The following CLDN10 variants were observed in gnomAD, a reference collection of about 807,000 sequenced individuals.
CLDN10 encodes the protein claudin 10, also known as claudin-10.
CLDN10 carries 15 observed loss-of-function variants against 22.9 expected under a neutral mutation model. The ratio of observed to expected loss-of-function variants is 0.65; its 90% CI spans 0.44 to 1.01. CLDN10 has a LOEUF of 1.01. Among genes scored for constraint, CLDN10 ranks in the 50% least tolerant of loss-of-function variants. The pLI, the probability that CLDN10 is intolerant of heterozygous loss-of-function variation, is 0.00. For synonymous variants in CLDN10, 114 were observed against 111.4 expected (o/e 1.02, Z -0.15); for missense variants, 247 against 287.8 (o/e 0.86, Z 1.03).
intron 3 of CLDN10, among the ~76,000 whole-genome samples, chr13:95,574,325 T>TA (rs547389254): frequency 0.027 from 3,968 of 148,980 alleles, 68 homozygotes; most frequent in Non-Finnish European, 0.04. Context: ...TCCAAATTGT[T>TA]AAAAAAAAAA....
chr13:95,519,263 G>C (rs2043200787), intron 1 of CLDN10, among the ~76,000 whole-genome samples: 1 of 152,186 alleles, frequency 6.6e-6, no homozygotes. Context: ...GTGAAGGTTG[G>C]TGACCCTGAG....
intron 3 of CLDN10, among the ~76,000 whole-genome samples, chr13:95,574,942 T>C (rs901783718): frequency 6.6e-6 from 1 of 152,232 alleles, no homozygotes; most frequent in African/African-American, 2.4e-5. Context: ...ATACTGTGTC[T>C]GTGTTTGTAA....
intron 3 of CLDN10, among the ~76,000 whole-genome samples, chr13:95,566,147 G>A (rs983839468): frequency 6.6e-6 from 1 of 152,176 alleles, no homozygotes; most frequent in East Asian, 1.9e-4. Flanking sequence ...ACCCAGTAAT[G>A]GGATCACTCA....
intron 3 of CLDN10, among the ~76,000 whole-genome samples, chr13:95,576,892 A>C (rs894312607): frequency 6.6e-6 from 1 of 152,192 alleles, no homozygotes; most frequent in African/African-American, 2.4e-5. Context: ...TGCGCTGCAG[A>C]ACAGAACAAA....
intron 3 of CLDN10, among the ~76,000 whole-genome samples, chr13:95,561,929 ATTTTTTTT>A (rs1034744786): frequency 1.5e-5 from 2 of 135,784 alleles, no homozygotes; most frequent in African/African-American, 5.4e-5. Context: ...CAACCAGATA[ATTTTTTTT>A]TTTTTTTTGA....
intron 1 of CLDN10, among the ~76,000 whole-genome samples, chr13:95,493,845 G>T (rs1314208331): frequency 6.6e-6 from 1 of 151,988 alleles, no homozygotes; most frequent in South Asian, 2.1e-4. Flanking sequence ...CAGGTGTGAG[G>T]CACCATGCCC....
At chr13:95,514,017 G>A (rs1039835602) in intron 1 of CLDN10, among the ~76,000 whole-genome samples, 1 of 152,066 alleles carries the variant, frequency 6.6e-6, no homozygotes, top group Non-Finnish European at 1.5e-5. Context: ...CAGCAATTTA[G>A]GAGGCCAAGA....
chr13:95,462,117 A>T (rs1432318272), intron 1 of CLDN10, among the ~76,000 whole-genome samples: 2 of 152,160 alleles, frequency 1.3e-5, no homozygotes, highest in African/African-American at 4.8e-5. Context: ...TAAACACTTT[A>T]CATGCAGTAG....
chr13:95,529,313 T>A (rs1181141373), intron 1 of CLDN10, among the ~76,000 whole-genome samples: 1 of 152,182 alleles, frequency 6.6e-6, no homozygotes, highest in Non-Finnish European at 1.5e-5. Flanking sequence ...GATTGGCAGG[T>A]GTTTCATCAG....
At chr13:95,441,639 TG>T (rs1309367661) in intron 1 of CLDN10, among the ~76,000 whole-genome samples, 2 of 152,218 alleles carry the variant, frequency 1.3e-5, no homozygotes, top group African/African-American at 4.8e-5. Context: ...CTATATCTCC[TG>T]GGAGCTTGCT....
upstream of CLDN10, among the ~76,000 whole-genome samples, chr13:95,548,353 A>C (rs1183216541): frequency 6.6e-6 from 1 of 152,236 alleles, no homozygotes; most frequent in Non-Finnish European, 1.5e-5. Flanking sequence ...AAATGAATGC[A>C]TGAAAAACAA....
intron 1 of CLDN10, among the ~76,000 whole-genome samples, chr13:95,441,343 T>G (rs1594520296): frequency 6.6e-6 from 1 of 152,138 alleles, no homozygotes; most frequent in African/African-American, 2.4e-5. Flanking sequence ...CTCCTGGGTT[T>G]AAGCAATCCT....
chr13:95,537,103 A>G (rs894016345), intron 1 of CLDN10, among the ~76,000 whole-genome samples: 2 of 152,252 alleles, frequency 1.3e-5, no homozygotes, highest in African/African-American at 4.8e-5. Flanking sequence ...CTGGGTAGCC[A>G]TATCAAATTA....
At chr13:95,516,979 CTT>C in intron 1 of CLDN10, among the ~76,000 whole-genome samples, 1 of 7,308 alleles carries the variant, frequency 1.4e-4, no homozygotes, top group Non-Finnish European at 4.1e-4. Context: ...TCCTTCCTTC[CTT>C]CCTTCCTTCC....
At chr13:95,501,615 G>C (rs920310359) in intron 1 of CLDN10, among the ~76,000 whole-genome samples, 45 of 152,268 alleles carry the variant, frequency 3.0e-4, no homozygotes, top group African/African-American at 1.0e-3. Context: ...ATTGGTGTTT[G>C]CATGGGTATC....
At chr13:95,570,690 C>A (rs572923077) in intron 3 of CLDN10, among the ~76,000 whole-genome samples, 81 of 151,712 alleles carry the variant, frequency 5.3e-4, no homozygotes, top group Non-Finnish European at 8.1e-4. Flanking sequence ...GACTGGATAA[C>A]AGAGGCAATA....
intron 3 of CLDN10, among the ~76,000 whole-genome samples, chr13:95,570,460 A>G (rs1419864238): frequency 6.6e-6 from 1 of 152,146 alleles, no homozygotes; most frequent in Admixed American, 6.5e-5. Context: ...CCAACATTAG[A>G]TTTAGTCCTA....
chr13:95,433,770 G>C (rs1327942836), exon 1 of CLDN10: 2 of 1,553,374 alleles, frequency 1.3e-6, no homozygotes, highest in East Asian at 2.3e-5. Flanking sequence ...GTTCTCTATC[G>C]GCTGCATGCC....
At chr13:95,471,453 A>ATTTT (rs1555289822) in intron 1 of CLDN10, among the ~76,000 whole-genome samples, 18 of 106,368 alleles carry the variant, frequency 1.7e-4, no homozygotes, top group South Asian at 9.8e-4. Context: ...ATATATATAT[A>ATTTT]TTTTTTTTTT....
Sources: gnomAD v4.1 joint callset for allele counts (sites outside exome capture counted in the v4.1 genomes callset) on GRCh38, gnomAD v4.1.1 for gene constraint, MANE v1.5 for transcripts, NCBI Gene and HGNC (gene_info 2026-07-23, HGNC 2026-07-21) for gene names.